The following RABGAP1L variants were observed in gnomAD, a reference collection of about 807,000 sequenced individuals.
RABGAP1L encodes the protein RAB GTPase activating protein 1 like, also known as rab GTPase-activating protein 1-like.
In RABGAP1L, 63 loss-of-function variants were observed where a neutral mutation model predicts 137.7. The observed-to-expected ratio is 0.46, with a 90% confidence interval of 0.37 to 0.56. The LOEUF (loss-of-function observed/expected upper bound fraction) is 0.56, where lower values mean the gene tolerates loss of function less well. RABGAP1L is among the 20% of genes least tolerant of loss of function. The probability of loss-of-function intolerance (pLI) is 0.00; values close to 1 mark genes in which losing one functional copy is unlikely to be tolerated. For missense variants in RABGAP1L, 1,095 were observed against 1,244.0 expected (o/e 0.88, Z 1.80); for synonymous variants, 431 against 433.7 (o/e 0.99, Z 0.08).
intron 19 of RABGAP1L, among the ~76,000 whole-genome samples, chr1:174,852,193 T>C (rs1024971657): frequency 1.3e-5 from 2 of 152,154 alleles, no homozygotes; most frequent in African/African-American, 4.8e-5. Flanking sequence ...AGAAGAAACA[T>C]ATTGGTTAAG....
At chr1:174,708,653 C>T (rs1680243076) in intron 17 of RABGAP1L, among the ~76,000 whole-genome samples, 1 of 152,216 alleles carries the variant, frequency 6.6e-6, no homozygotes, top group Non-Finnish European at 1.5e-5. Flanking sequence ...AACCTACAGA[C>T]CAGGAGATTC....
intron 18 of RABGAP1L, among the ~76,000 whole-genome samples, chr1:174,796,524 C>A (rs908824571): frequency 1.3e-5 from 2 of 151,932 alleles, no homozygotes; most frequent in Non-Finnish European, 2.9e-5. Flanking sequence ...GAAAGAATAT[C>A]CTGAAAAAAG....
intron 19 of RABGAP1L, among the ~76,000 whole-genome samples, chr1:174,912,772 C>T (rs1480112777): frequency 1.3e-5 from 2 of 152,042 alleles, no homozygotes; most frequent in Non-Finnish European, 2.9e-5. Context: ...GAAATATGTG[C>T]CATTTTAATA....
intron 18 of RABGAP1L, among the ~76,000 whole-genome samples, chr1:174,806,053 TC>T (rs1689269143): frequency 6.6e-6 from 1 of 152,248 alleles, no homozygotes; most frequent in Non-Finnish European, 1.5e-5. Flanking sequence ...AATCAGTTTT[TC>T]TAGCCTGAAG....
At chr1:174,268,759 G>A (rs538273835) in intron 7 of RABGAP1L, among the ~76,000 whole-genome samples, 1 of 152,222 alleles carries the variant, frequency 6.6e-6, no homozygotes, top group Non-Finnish European at 1.5e-5. Context: ...ATTTGTTCTA[G>A]AGGTTAACTT....
rs1376099709 is a variant in RABGAP1L, at chr1:174,416,031, T to TAC, written c.1710+21887_1710+21888insCA. ...CCTAGAAAATTTACATATATATATATATATACACACACATTTTTTTTTTCC... is the reference window on the plus strand; with the variant it reads ...CCTAGAAAATTTACATATATATATATACATATACACACACATTTTTTTTTTCC... On this transcript the variant is annotated intron_variant, in intron 13 of 25. Transcript: ENST00000681986. Among the ~76,000 whole-genome samples the TAC allele has an allele frequency of 3.2e-5, 4 of 123,524 alleles. 1 individual carries two copies. The highest frequency in any genetic ancestry group is 1.8e-4 in the African/African-American group (4 of 22,462). 81.0% of individuals were successfully genotyped at this position (123,524 alleles called of 152,430 possible).
intron 10 of RABGAP1L, among the ~76,000 whole-genome samples, chr1:174,293,115 T>G (rs1676783913): frequency 6.6e-6 from 1 of 152,198 alleles, no homozygotes; most frequent in Non-Finnish European, 1.5e-5. Flanking sequence ...ATTAGGATTT[T>G]TTTTTTTCCT....
chr1:174,941,999 C>T (rs758843226), intron 19 of RABGAP1L, among the ~76,000 whole-genome samples: 3 of 152,158 alleles, frequency 2.0e-5, no homozygotes, highest in African/African-American at 2.4e-5. Flanking sequence ...TTATAATGAG[C>T]ACATGCATGT....
At chr1:174,187,171 C>T (rs958838506) in intron 1 of RABGAP1L, among the ~76,000 whole-genome samples, 11 of 152,008 alleles carry the variant, frequency 7.2e-5, no homozygotes, top group African/African-American at 2.7e-4. Context: ...AGAGAGGCTT[C>T]GTAAATATTA....
intron 13 of RABGAP1L, among the ~76,000 whole-genome samples, chr1:174,477,237 C>T (rs1047545854): frequency 2.6e-5 from 4 of 152,124 alleles, no homozygotes; most frequent in Admixed American, 2.0e-4. Flanking sequence ...TAAATGGCAG[C>T]CAGACAACTA....
chr1:174,301,921 G>A (rs192230520), intron 10 of RABGAP1L, among the ~76,000 whole-genome samples: 32 of 152,304 alleles, frequency 2.1e-4, no homozygotes, highest in Non-Finnish European at 1.3e-4. Flanking sequence ...CCGGTTGGTG[G>A]ATTTGACTTG....
intron 1 of RABGAP1L, among the ~76,000 whole-genome samples, chr1:174,166,539 C>T (rs917448889): frequency 6.6e-6 from 1 of 152,174 alleles, no homozygotes; most frequent in African/African-American, 2.4e-5. Context: ...TCTTTGACAG[C>T]CTGTATGACT....
At chr1:174,795,191 T>TC (rs1463359203) in intron 18 of RABGAP1L, among the ~76,000 whole-genome samples, 6 of 151,688 alleles carry the variant, frequency 4.0e-5, no homozygotes, top group Admixed American at 1.3e-4. Flanking sequence ...ATGTCACCCC[T>TC]CCCCCCCAGT....
intron 13 of RABGAP1L, among the ~76,000 whole-genome samples, chr1:174,534,614 T>C (rs1664736105): frequency 6.6e-6 from 1 of 151,166 alleles, no homozygotes; most frequent in Admixed American, 6.6e-5. Flanking sequence ...CCGTCTCTAC[T>C]AAATACAAAA....
intron 18 of RABGAP1L, among the ~76,000 whole-genome samples, chr1:174,809,662 A>C (rs1029438678): frequency 6.6e-6 from 1 of 152,168 alleles, no homozygotes; most frequent in African/African-American, 2.4e-5. Context: ...TTCGGTAGTG[A>C]GGAAAGGGTT....
intron 19 of RABGAP1L, among the ~76,000 whole-genome samples, chr1:174,916,076 G>GT (rs372029582): frequency 0.11 from 12,071 of 113,484 alleles, 761 homozygotes; most frequent in East Asian, 0.23. Flanking sequence ...TTTTTCTTTA[G>GT]TTTTTTTTTT....
chr1:174,383,216 G>C (rs984478735), intron 12 of RABGAP1L, among the ~76,000 whole-genome samples: 8 of 151,332 alleles, frequency 5.3e-5, no homozygotes, highest in African/African-American at 1.9e-4. Context: ...GGACATTTAA[G>C]TCTGCAGAGG....
chr1:174,475,841 C>A (rs548635220), intron 13 of RABGAP1L, among the ~76,000 whole-genome samples: 1 of 146,096 alleles, frequency 6.8e-6, no homozygotes, highest in African/African-American at 2.5e-5. Context: ...TAATTATCTA[C>A]AGGCCAGTAA....
At chr1:174,611,268 A>G (rs1406350787) in intron 13 of RABGAP1L, among the ~76,000 whole-genome samples, 1 of 150,420 alleles carries the variant, frequency 6.6e-6, no homozygotes, top group Non-Finnish European at 1.5e-5. Context: ...TCAGCTTTCT[A>G]CACATGGCTA....
Sources: gnomAD v4.1 joint callset for allele counts (sites outside exome capture counted in the v4.1 genomes callset) on GRCh38, gnomAD v4.1.1 for gene constraint, MANE v1.5 for transcripts, NCBI Gene and HGNC (gene_info 2026-07-23, HGNC 2026-07-21) for gene names.